Variants in MYLK4 observed in about 807,000 individuals in gnomAD.
The protein encoded by MYLK4 is myosin light chain kinase family member 4, also known as caMLCK like.
A neutral mutation model predicts 48.1 loss-of-function variants in MYLK4; 46 were observed. That is an observed-to-expected ratio of 0.96 (90% CI 0.75 to 1.22). The LOEUF (loss-of-function observed/expected upper bound fraction) is 1.22, where lower values mean the gene tolerates loss of function less well. Among genes scored for constraint, MYLK4 ranks in the 50% most tolerant of loss-of-function variants. The probability of loss-of-function intolerance (pLI) is 0.00; values close to 1 mark genes in which losing one functional copy is unlikely to be tolerated. For missense variants in MYLK4, 451 were observed against 486.1 expected (o/e 0.93, Z 0.68); for synonymous variants, 170 against 180.8 (o/e 0.94, Z 0.48).
the MYLK4 span, among the ~76,000 whole-genome samples, chr6:2,769,660 T>C: frequency 1.3e-5 from 2 of 152,230 alleles, no homozygotes; most frequent in Non-Finnish European, 2.9e-5. Context: ...CTTAGTATTT[T>C]TTCCCCATAA....
In MYLK4 at chr6:2,672,821, C is replaced by T. The variant is rs115950745; in HGVS notation, c.1120-1473G>A. On this transcript the variant is annotated intron_variant, in intron 11 of 12. Transcript: ENST00000274643. The surrounding 1 kb of genome is among the most constrained non-coding windows in gnomAD (Gnocchi z 4.3). ...GGAGAGCAGAGCAGTGAGGCTCTGC[C>T]CGGACTCCAGAGCTCAGCCCTGTCC... Among the ~76,000 whole-genome samples the T allele has an allele frequency of 8.3e-3, 1,267 of 152,232 alleles. 21 individuals are homozygous for T. The highest frequency in any genetic ancestry group is 0.029 in the African/African-American group (1,195 of 41,532).
the MYLK4 span, chr6:2,766,307 G>A: frequency 3.6e-5 from 58 of 1,609,290 alleles, no homozygotes; most frequent in Admixed American, 9.5e-4. Context: ...GCCGCTGGCC[G>A]ACACGATGCG....
chr6:2,714,673 G>C (rs6596897), intron 2 of MYLK4, among the ~76,000 whole-genome samples: 129,797 of 152,250 alleles, frequency 0.85, 55,424 homozygotes, highest in Admixed American at 0.89. Context: ...GTTCATAGCA[G>C]CTTACTCACA....
the MYLK4 span, chr6:2,766,475 T>TA: frequency 1.4e-6 from 2 of 1,470,614 alleles, no homozygotes; most frequent in African/African-American, 2.8e-5. Flanking sequence ...TGGGCTTCCG[T>TA]AGTTATCTCG....
chr6:2,738,865 C>T (rs187880965), intron 2 of MYLK4, among the ~76,000 whole-genome samples: 140 of 152,300 alleles, frequency 9.2e-4, no homozygotes, highest in African/African-American at 2.6e-3. Context: ...TCCAAACCCA[C>T]AGAATGTGCA....
At chr6:2,716,175 A>G (rs1447000535) in intron 2 of MYLK4, among the ~76,000 whole-genome samples, 1 of 152,214 alleles carries the variant, frequency 6.6e-6, no homozygotes, top group African/African-American at 2.4e-5. Flanking sequence ...CTCATCACCA[A>G]AGGATTTGAG....
At chr6:2,766,103 GAGGCGC>G in the MYLK4 span, 1 of 1,317,146 alleles carries the variant, frequency 7.6e-7, no homozygotes, top group Non-Finnish European at 9.6e-7. Flanking sequence ...GGACGAGGCG[GAGGCGC>G]AGGAGGAGGA....
At chr6:2,732,539 G>T (rs1271762572) in intron 2 of MYLK4, among the ~76,000 whole-genome samples, 1 of 149,742 alleles carries the variant, frequency 6.7e-6, no homozygotes, top group Non-Finnish European at 1.5e-5. Context: ...TTCCACCTGG[G>T]TCTACACATA....
intron 2 of MYLK4, among the ~76,000 whole-genome samples, chr6:2,718,006 C>A (rs1032361620): frequency 5.1e-4 from 77 of 152,128 alleles, no homozygotes; most frequent in African/African-American, 1.4e-4. Flanking sequence ...CATGGAGAAA[C>A]CCCGTCTCTA....
chr6:2,723,149 TG>T (rs1763129332), intron 2 of MYLK4, among the ~76,000 whole-genome samples: 1 of 152,126 alleles, frequency 6.6e-6, no homozygotes, highest in Non-Finnish European at 1.5e-5. Context: ...AAAAATTAGC[TG>T]GGCATGGTAG....
chr6:2,708,299 G>C (rs936478579), intron 2 of MYLK4, among the ~76,000 whole-genome samples: 3 of 152,108 alleles, frequency 2.0e-5, no homozygotes, highest in African/African-American at 7.2e-5. Flanking sequence ...TTAAAAATTT[G>C]CCTTTGAGCA....
chr6:2,729,789 C>T (rs34556262), intron 2 of MYLK4, among the ~76,000 whole-genome samples: 1 of 152,026 alleles, frequency 6.6e-6, no homozygotes, highest in Admixed American at 6.5e-5. Context: ...TACAAAGAAC[C>T]CTGTTAGGAC....
chr6:2,697,141 G>A (rs936837879), intron 2 of MYLK4, among the ~76,000 whole-genome samples: 6 of 152,182 alleles, frequency 3.9e-5, no homozygotes, highest in Admixed American at 6.5e-5. Context: ...AATATATCGC[G>A]GAGTGCTTTA....
At position 2,667,061 on chromosome 6, in the gene MYLK4, CT is replaced by C. The variant is rs145865329; in HGVS notation, c.*863del. The C allele has an allele frequency of 0.14, 21,233 of 152,238 alleles. 1,733 individuals carry two copies. Among genetic ancestry groups the C allele is most frequent in the African/African-American group, 0.21 (8,522 of 41,518 alleles). 9.4% of individuals were successfully genotyped at this position (152,238 alleles called of 1,614,324 possible). On this transcript the variant is annotated 3_prime_UTR_variant, in exon 13 of 13. Transcript: ENST00000274643. The stretch of plus-strand genomic sequence containing the variant: ...TGCTCCAGGAGGTGCAGATCCGTCT[CT>C]TTTAGTTGACAAATGGGGCTTGAGG...
chr6:2,719,455 C>T (rs1170554682), intron 2 of MYLK4, among the ~76,000 whole-genome samples: 4 of 152,166 alleles, frequency 2.6e-5, no homozygotes, highest in Admixed American at 6.5e-5. Flanking sequence ...GGTAAAATTA[C>T]GAGTTTGAAA....
chr6:2,713,687 A>T (rs1259550099), intron 2 of MYLK4, among the ~76,000 whole-genome samples: 1 of 152,188 alleles, frequency 6.6e-6, no homozygotes, highest in Non-Finnish European at 1.5e-5. Context: ...TCAGGGCAGG[A>T]TTTAACTGTT....
At chr6:2,766,123 G>C in the MYLK4 span, 1 of 1,325,994 alleles carries the variant, frequency 7.5e-7, no homozygotes, top group African/African-American at 1.5e-5. Flanking sequence ...AGGAGGAGGA[G>C]GCCGTGGGCG....
chr6:2,667,754 G>A lies in MYLK4; in HGVS notation c.*171C>T, dbSNP rs79408072. 5.4e-3 allele frequency: 822 copies of A among 152,750 alleles called. 10 individuals carry two copies. Among genetic ancestry groups the A allele is most frequent in the East Asian group, 0.027 (139 of 5,170 alleles). 9.5% of individuals were successfully genotyped at this position (152,750 alleles called of 1,614,324 possible). On this transcript the variant is annotated 3_prime_UTR_variant, in exon 13 of 13. Coordinates refer to ENST00000274643, the MANE Select transcript of MYLK4 (RefSeq NM_001012418.5). ...CGCAGCGCTGGGTGTTCCTCTGAGC[G>A]CAGCAGAGGCACTCCAGTTCAAGTT...
At chr6:2,720,493 A>C (rs1317553546) in intron 2 of MYLK4, among the ~76,000 whole-genome samples, 1 of 152,166 alleles carries the variant, frequency 6.6e-6, no homozygotes, top group Non-Finnish European at 1.5e-5. Flanking sequence ...GAACTTTAAA[A>C]ATTACTCATT....
Sources: allele counts gnomAD v4.1 joint callset (sites outside exome capture counted in the v4.1 genomes callset), GRCh38; gene constraint gnomAD v4.1.1; non-coding constraint Gnocchi (gnomAD v3.1); transcripts MANE v1.5; gene names NCBI Gene and HGNC (gene_info 2026-07-23, HGNC 2026-07-21).